The following PHACTR1 variants were observed in gnomAD, a reference collection of about 807,000 sequenced individuals.
PHACTR1 encodes the protein phosphatase and actin regulator 1.
In PHACTR1, 16 loss-of-function variants were observed where a neutral mutation model predicts 69.2. That is an observed-to-expected ratio of 0.23 (90% CI 0.16 to 0.35). The LOEUF (loss-of-function observed/expected upper bound fraction) is 0.35, where lower values mean the gene tolerates loss of function less well. PHACTR1 is among the 10% of genes least tolerant of loss of function. The probability of loss-of-function intolerance (pLI) is 1.00; values close to 1 mark genes in which losing one functional copy is unlikely to be tolerated. For synonymous variants in PHACTR1, 312 were observed against 284.5 expected, an observed-to-expected ratio of 1.10 and a Z score of -0.97; for missense variants, 510 against 734.7, an observed-to-expected ratio of 0.69 and a Z score of 3.54.
intron 4 of PHACTR1, among the ~76,000 whole-genome samples, chr6:12,810,323 G>GTTGTTTGT (rs3036465): frequency 1.1e-3 from 163 of 151,994 alleles, no homozygotes; most frequent in African/African-American, 3.8e-3. Flanking sequence ...TGGTTGGTTT[G>GTTGTTTGT]TTGTTTGTTT....
chr6:13,207,360 A>T (rs1052443330), intron 8 of PHACTR1, among the ~76,000 whole-genome samples: 1 of 152,164 alleles, frequency 6.6e-6, no homozygotes, highest in Non-Finnish European at 1.5e-5. Context: ...TTGCTGATGG[A>T]GGAAGCAGAG....
chr6:12,999,388 A>G (rs1003791796), intron 4 of PHACTR1, among the ~76,000 whole-genome samples: 3 of 152,150 alleles, frequency 2.0e-5, no homozygotes, highest in Non-Finnish European at 2.9e-5. Context: ...TCACGAGATC[A>G]GGAGTTCAAG....
At chr6:13,121,960 C>CATATATAA (rs1818807571) in intron 5 of PHACTR1, among the ~76,000 whole-genome samples, 1 of 152,062 alleles carries the variant, frequency 6.6e-6, no homozygotes, top group Non-Finnish European at 1.5e-5. Context: ...TGTGTATATG[C>CATATATAA]GTATATAAGT....
At chr6:12,775,174 A>T (rs895257025) in intron 4 of PHACTR1, among the ~76,000 whole-genome samples, 1 of 127,934 alleles carries the variant, frequency 7.8e-6, no homozygotes, top group African/African-American at 3.3e-5. Flanking sequence ...TATCACTCAG[A>T]GACACACATG....
intron 4 of PHACTR1, among the ~76,000 whole-genome samples, chr6:12,846,132 C>G (rs1371802713): frequency 6.6e-6 from 1 of 152,192 alleles, no homozygotes; most frequent in Non-Finnish European, 1.5e-5. Context: ...GACTTTCGCT[C>G]TCCACTTGGA....
chr6:13,220,487 T>C (rs1208886512), intron 8 of PHACTR1, among the ~76,000 whole-genome samples: 1 of 152,204 alleles, frequency 6.6e-6, no homozygotes, highest in African/African-American at 2.4e-5. Flanking sequence ...AGCCTAACTT[T>C]GGACAGTCTG....
intron 4 of PHACTR1, among the ~76,000 whole-genome samples, chr6:13,003,155 A>G (rs1288978439): frequency 6.6e-6 from 1 of 152,214 alleles, no homozygotes; most frequent in Admixed American, 6.5e-5. Flanking sequence ...AAACTGGAAG[A>G]AGGACTTCAC....
At chr6:12,742,137 A>C (rs1403423234) in intron 3 of PHACTR1, among the ~76,000 whole-genome samples, 1 of 152,192 alleles carries the variant, frequency 6.6e-6, no homozygotes, top group East Asian at 1.9e-4. Context: ...AAGAAAGCAA[A>C]GGAATAAAAG....
intron 4 of PHACTR1, among the ~76,000 whole-genome samples, chr6:13,039,647 C>A (rs891517512): frequency 1.3e-5 from 2 of 152,154 alleles, no homozygotes; most frequent in Admixed American, 1.3e-4. Context: ...TTCTGACTTG[C>A]AACATAACAA....
At chr6:12,820,024 C>T (rs1031943458) in intron 4 of PHACTR1, among the ~76,000 whole-genome samples, 5 of 152,186 alleles carry the variant, frequency 3.3e-5, no homozygotes, top group Non-Finnish European at 7.3e-5. Flanking sequence ...GCACTTGATT[C>T]AAGCATGGGA....
At chr6:13,282,892 T>C (rs1216291074) in intron 12 of PHACTR1, among the ~76,000 whole-genome samples, 2 of 134,870 alleles carry the variant, frequency 1.5e-5, no homozygotes, top group Non-Finnish European at 3.0e-5. Flanking sequence ...AGCAATGTTA[T>C]GAAGATAGAG....
chr6:13,137,140 T>C (rs748962339), intron 5 of PHACTR1, among the ~76,000 whole-genome samples: 3 of 152,230 alleles, frequency 2.0e-5, no homozygotes, highest in Non-Finnish European at 2.9e-5. Flanking sequence ...TATTTTGTTA[T>C]GGGGGAAAAG....
intron 4 of PHACTR1, among the ~76,000 whole-genome samples, chr6:12,999,853 C>T (rs187206401): frequency 6.6e-6 from 1 of 152,252 alleles, no homozygotes; most frequent in Admixed American, 6.5e-5. Context: ...ATTTGTATTC[C>T]TTTACATTAT....
chr6:12,924,776 GAAAAAAAAAA>G lies in PHACTR1; in HGVS notation c.251-128580_251-128571del, dbSNP rs10533765. Among the ~76,000 whole-genome samples the G allele has an allele frequency of 4.5e-5, 6 of 134,312 alleles. No individual in the cohort carries two copies. In the South Asian group the frequency reaches 1.5e-3, roughly 33 times the overall value. The allele number at this position is 134,312 out of a possible 152,430, so 88.1% of individuals were successfully genotyped here. On this transcript the variant is annotated intron_variant, in intron 4 of 14. Coordinates refer to ENST00000332995, the MANE Select transcript of PHACTR1 (RefSeq NM_030948.6). ...GGCGACAGAGCGAGACTCTGTCCCGGAAAAAAAAAAAAAAAAAATTTAAACTATAGTAAGT... is the reference window on the plus strand; with the variant it reads ...GGCGACAGAGCGAGACTCTGTCCCGGAAAAAAAATTTAAACTATAGTAAGT...
intron 4 of PHACTR1, among the ~76,000 whole-genome samples, chr6:12,977,192 T>C (rs926851713): frequency 6.6e-6 from 1 of 152,170 alleles, no homozygotes; most frequent in Non-Finnish European, 1.5e-5. Flanking sequence ...CCTCAGGTGA[T>C]CCACCTGCCT....
chr6:12,870,022 A>G (rs1177381072), intron 4 of PHACTR1, among the ~76,000 whole-genome samples: 1 of 152,136 alleles, frequency 6.6e-6, no homozygotes, highest in African/African-American at 2.4e-5. Context: ...GCACCTGGCT[A>G]AGTGCCTGTA....
intron 4 of PHACTR1, among the ~76,000 whole-genome samples, chr6:12,929,882 A>G (rs919466404): frequency 3.3e-5 from 5 of 152,124 alleles, no homozygotes; most frequent in African/African-American, 4.8e-5. Context: ...TTGCGTAACC[A>G]TTGTTTTAAG....
chr6:12,750,993 T>C (rs2327615), intron 4 of PHACTR1, among the ~76,000 whole-genome samples: 59 of 129,640 alleles, frequency 4.6e-4, no homozygotes, highest in Non-Finnish European at 6.0e-4. Context: ...TGTGTGTGTG[T>C]GCGCGTGCGT....
intron 5 of PHACTR1, among the ~76,000 whole-genome samples, chr6:13,126,755 T>G (rs56864772): frequency 0.085 from 12,971 of 152,308 alleles, 1,814 homozygotes; most frequent in African/African-American, 0.29. Context: ...TTCAGTAACT[T>G]GCCCAGGATC....
Sources: gnomAD v4.1 joint callset for allele counts (sites outside exome capture counted in the v4.1 genomes callset) on GRCh38, gnomAD v4.1.1 for gene constraint, MANE v1.5 for transcripts, NCBI Gene and HGNC (gene_info 2026-07-23, HGNC 2026-07-21) for gene names.